The following FAM110B variants were observed in gnomAD, a reference collection of about 807,000 sequenced individuals.
The protein encoded by FAM110B is protein FAM110B.
A neutral mutation model predicts 20.4 loss-of-function variants in FAM110B; 6 were observed. That is an observed-to-expected ratio of 0.29 (90% CI 0.16 to 0.58). The LOEUF is 0.58. FAM110B is among the 20% of genes least tolerant of loss of function. FAM110B has a pLI of 0.90. For missense variants in FAM110B, 434 were observed against 498.2 expected (o/e 0.87, Z 1.23); for synonymous variants, 226 against 214.1 (o/e 1.06, Z -0.49).
At chr8:58,055,449 A>G (rs1805527615) in intron 2 of FAM110B, among the ~76,000 whole-genome samples, 1 of 152,168 alleles carries the variant, frequency 6.6e-6, no homozygotes, top group African/African-American at 2.4e-5. Context: ...TTAAGTAGCT[A>G]CCACTCCTGA....
intron 3 of FAM110B, among the ~76,000 whole-genome samples, chr8:58,076,605 G>A (rs1305603302): frequency 1.3e-5 from 2 of 152,198 alleles, no homozygotes; most frequent in African/African-American, 4.8e-5. Context: ...CTAAGGAAGT[G>A]GAAGAATGGT....
chr8:58,006,923 A>ATTTT lies in FAM110B; in HGVS notation c.-512+12119_-512+12122dup, dbSNP rs1554568496. Among the ~76,000 whole-genome samples, 102 of 126,530 alleles carry ATTTT rather than the reference A, an allele frequency of 8.1e-4. 5 individuals carry two copies. Among genetic ancestry groups the ATTTT allele is most frequent in the Middle Eastern group, 3.9e-3 (1 of 254 alleles). 83.0% of individuals were successfully genotyped at this position (126,530 alleles called of 152,430 possible). A position where few individuals can be genotyped will look rare whatever the true frequency, so the allele number is the denominator to read the frequency against. Reference sequence around the variant, plus strand: ...TTGGTATATATATATATATATATATATTTTTCCAAAACCAGAGTTTGCATT... The same window carrying ATTTT: ...TTGGTATATATATATATATATATATATTTTTTTTTCCAAAACCAGAGTTTGCATT... On this transcript the variant is annotated intron_variant, in intron 1 of 3. Coordinates refer to ENST00000519262, the MANE Select transcript of FAM110B (RefSeq NM_001377989.1).
intron 1 of FAM110B, among the ~76,000 whole-genome samples, chr8:58,001,673 AC>A (rs988133706): frequency 6.6e-6 from 1 of 152,174 alleles, no homozygotes; most frequent in African/African-American, 2.4e-5. Context: ...CCATAAAGGG[AC>A]CAAATCGCAG....
At position 58,109,663 on chromosome 8, in the gene FAM110B, C is replaced by T. The variant is rs143669949; in HGVS notation, c.-325+34040C>T. On this transcript the variant is annotated intron_variant, in intron 3 of 3. Coordinates refer to ENST00000519262, the MANE Select transcript of FAM110B (RefSeq NM_001377989.1). Reference sequence around the variant, plus strand: ...AACTGAAGAAGGACAGACAGGAAAACGAGGCCAGGAATCCTGGACAGGCCA... The same window carrying T: ...AACTGAAGAAGGACAGACAGGAAAATGAGGCCAGGAATCCTGGACAGGCCA... 1.2e-4 allele frequency among the ~76,000 whole-genome samples: 18 copies of T among 152,248 alleles called. No individual in the cohort carries two copies. In the East Asian group the frequency reaches 3.3e-3, roughly 28 times the overall value.
At chr8:58,037,390 C>T (rs1805097430) in intron 2 of FAM110B, among the ~76,000 whole-genome samples, 1 of 151,406 alleles carries the variant, frequency 6.6e-6, no homozygotes, top group African/African-American at 2.4e-5. Flanking sequence ...AATCCCAACA[C>T]TTTAGGAGGC....
chr8:58,127,864 G>T (rs1159641840), intron 3 of FAM110B, among the ~76,000 whole-genome samples: 1 of 152,202 alleles, frequency 6.6e-6, no homozygotes, highest in Non-Finnish European at 1.5e-5. Context: ...ACCTAGTGAA[G>T]ATGTCAGATT....
chr8:58,004,095 G>A (rs1804355209), intron 1 of FAM110B, among the ~76,000 whole-genome samples: 1 of 152,156 alleles, frequency 6.6e-6, no homozygotes, highest in African/African-American at 2.4e-5. Flanking sequence ...TTTTTCATTA[G>A]ATTCTCCTAA....
chr8:58,006,901 G>GTACATATATATATATATATATATATA (rs1804415191), intron 1 of FAM110B, among the ~76,000 whole-genome samples: 1 of 97,496 alleles, frequency 1.0e-5, no homozygotes, highest in Non-Finnish European at 2.2e-5. Context: ...GGCTTAATTG[G>GTACATATATATATATATATATATATA]TATATATATA....
intron 3 of FAM110B, among the ~76,000 whole-genome samples, chr8:58,109,258 G>A (rs1383101751): frequency 1.3e-5 from 2 of 152,134 alleles, no homozygotes; most frequent in African/African-American, 2.4e-5. Flanking sequence ...GTGAATGAAA[G>A]GAAGTTTGAA....
At chr8:58,047,050 A>G (rs996363074) in intron 2 of FAM110B, among the ~76,000 whole-genome samples, 12 of 152,224 alleles carry the variant, frequency 7.9e-5, no homozygotes, top group African/African-American at 2.4e-4. Context: ...TGGATAGAAG[A>G]GTTACGAAGA....
chr8:58,068,705 C>T (rs181633625), intron 2 of FAM110B, among the ~76,000 whole-genome samples: 4 of 151,778 alleles, frequency 2.6e-5, no homozygotes, highest in Admixed American at 2.6e-4. Flanking sequence ...ATGAAAAAAA[C>T]CATTTAACAT....
chr8:58,007,964 G>T (rs1804446286), intron 1 of FAM110B, among the ~76,000 whole-genome samples: 1 of 152,062 alleles, frequency 6.6e-6, no homozygotes, highest in Non-Finnish European at 1.5e-5. Context: ...ATTCCTGTAA[G>T]ATATATTTTT....
At chr8:58,116,281 T>C (rs1807210696) in intron 3 of FAM110B, among the ~76,000 whole-genome samples, 1 of 152,156 alleles carries the variant, frequency 6.6e-6, no homozygotes, top group Non-Finnish European at 1.5e-5. Flanking sequence ...TTCAGAAAGC[T>C]CCCTCTAACC....
At chr8:58,105,556 ATTTTTTTTTTT>A (rs71557704) in intron 3 of FAM110B, among the ~76,000 whole-genome samples, 1 of 94,600 alleles carries the variant, frequency 1.1e-5, no homozygotes, top group Non-Finnish European at 2.0e-5. Context: ...GAATGAATGA[ATTTTTTTTTTT>A]TTTTTTTTTT....
At chr8:58,077,968 A>G (rs1161400832) in intron 3 of FAM110B, among the ~76,000 whole-genome samples, 3 of 152,244 alleles carry the variant, frequency 2.0e-5, no homozygotes, top group African/African-American at 7.2e-5. Context: ...AATAGATTGA[A>G]ACATTTTTAA....
Position 58,134,234 on chromosome 8 carries a change from A to G in FAM110B, c.-324-11673A>G, listed in dbSNP as rs73241751. 1.0e-3 allele frequency among the ~76,000 whole-genome samples: 154 copies of G among 152,344 alleles called. 1 individual carries two copies. The highest frequency in any genetic ancestry group is 3.6e-3 in the African/African-American group (150 of 41,586). On this transcript the variant is annotated intron_variant, in intron 3 of 3. Coordinates refer to ENST00000519262, the MANE Select transcript of FAM110B (RefSeq NM_001377989.1). The stretch of plus-strand genomic sequence containing the variant: ...AAAATAATTCTAGGTGTTTTTTGAC[A>G]AATGAGATCAACAATATTCACTATT...
intron 3 of FAM110B, among the ~76,000 whole-genome samples, chr8:58,144,075 A>G (rs1370438774): frequency 6.6e-6 from 1 of 152,130 alleles, no homozygotes; most frequent in Admixed American, 6.5e-5. Context: ...GAGAAGGGAG[A>G]TGAACTTTGT....
chr8:58,049,965 CT>C (rs1256864243), intron 2 of FAM110B, among the ~76,000 whole-genome samples: 3 of 152,110 alleles, frequency 2.0e-5, no homozygotes, highest in African/African-American at 7.2e-5. Flanking sequence ...AAGATGAACA[CT>C]TTTCCTAATA....
At chr8:58,056,418 G>A (rs1212688761) in intron 2 of FAM110B, among the ~76,000 whole-genome samples, 2 of 152,106 alleles carry the variant, frequency 1.3e-5, no homozygotes, top group African/African-American at 4.8e-5. Flanking sequence ...TTTAACTTAA[G>A]CATAATGTAA....
Sources: gnomAD v4.1 joint callset for allele counts (sites outside exome capture counted in the v4.1 genomes callset) on GRCh38, gnomAD v4.1.1 for gene constraint, MANE v1.5 for transcripts, NCBI Gene and HGNC (gene_info 2026-07-23, HGNC 2026-07-21) for gene names.